MYT1L: variants seen among roughly 807,000 people sequenced by gnomAD.
MYT1L encodes the protein myelin transcription factor 1-like protein.
A neutral mutation model predicts 126.7 loss-of-function variants in MYT1L; 12 were observed. That is an observed-to-expected ratio of 0.09 (90% CI 0.06 to 0.15). MYT1L has a LOEUF of 0.15. Among genes scored for constraint, MYT1L ranks in the 10% least tolerant of loss-of-function variants. MYT1L has a pLI of 1.00. For synonymous variants in MYT1L, 541 were observed against 604.2 expected, an observed-to-expected ratio of 0.90 and a Z score of 1.53; for missense variants, 979 against 1,585.2, an observed-to-expected ratio of 0.62 and a Z score of 6.49.
At chr2:2,215,740 G>T (rs2093656677) in intron 2 of MYT1L, among the ~76,000 whole-genome samples, 1 of 152,146 alleles carries the variant, frequency 6.6e-6, no homozygotes, top group Non-Finnish European at 1.5e-5. Flanking sequence ...TTATTTTCAA[G>T]TCCACAGTGA....
intron 5 of MYT1L, among the ~76,000 whole-genome samples, chr2:1,981,328 C>T (rs2060593402): frequency 6.6e-6 from 1 of 151,844 alleles, no homozygotes; most frequent in Admixed American, 6.6e-5. Flanking sequence ...GATTTAATAC[C>T]AAAACAAAAA....
chr2:2,240,736 G>A (rs2094423019), intron 2 of MYT1L, among the ~76,000 whole-genome samples: 1 of 152,196 alleles, frequency 6.6e-6, no homozygotes, highest in African/African-American at 2.4e-5. Flanking sequence ...TTCACACAGA[G>A]GCAGCCCTGA....
intron 2 of MYT1L, among the ~76,000 whole-genome samples, chr2:2,199,399 A>T (rs1357796885): frequency 6.6e-6 from 1 of 152,214 alleles, no homozygotes; most frequent in African/African-American, 2.4e-5. Flanking sequence ...CCCTGCCATA[A>T]GGGATGGTGT....
At position 2,269,434 on chromosome 2, in the gene MYT1L, A is replaced by G. The variant is rs140443206; in HGVS notation, c.-421+14970T>C. On this transcript the variant is annotated intron_variant, in intron 2 of 24. Coordinates refer to ENST00000647738, the MANE Select transcript of MYT1L (RefSeq NM_001303052.2). ...CTTACAAAATGGGGGCACACTTGCCATCTCATGAAGGTTGTGAAGGTTACA... is the reference window on the plus strand; with the variant it reads ...CTTACAAAATGGGGGCACACTTGCCGTCTCATGAAGGTTGTGAAGGTTACA... Among the ~76,000 whole-genome samples the G allele has an allele frequency of 2.5e-3, 386 of 152,316 alleles. 1 individual carries two copies. Among genetic ancestry groups the G allele is most frequent in the African/African-American group, 9.0e-3 (373 of 41,576 alleles).
intron 3 of MYT1L, among the ~76,000 whole-genome samples, chr2:2,095,168 C>A: frequency 6.6e-6 from 1 of 152,304 alleles, no homozygotes; most frequent in African/African-American, 2.4e-5. Context: ...AGGGGGTGCC[C>A]CCAAGTTGTG....
In MYT1L at chr2:2,150,702, C is replaced by T. The variant is rs116552904; in HGVS notation, c.-304+22170G>A. 3.4e-3 allele frequency among the ~76,000 whole-genome samples: 525 copies of T among 152,232 alleles called. 5 individuals carry two copies. Among genetic ancestry groups the T allele is most frequent in the African/African-American group, 0.012 (508 of 41,532 alleles). On this transcript the variant is annotated intron_variant, in intron 3 of 24. Transcript: ENST00000647738. Reference sequence around the variant, plus strand: ...CTACCTTATCATCCTGATGGCTCAACGCTTTAGGTCCTATTTTTCTACAAA... The same window carrying T: ...CTACCTTATCATCCTGATGGCTCAATGCTTTAGGTCCTATTTTTCTACAAA...
intron 9 of MYT1L, among the ~76,000 whole-genome samples, chr2:1,928,914 G>C (rs551317061): frequency 6.6e-6 from 1 of 152,136 alleles, no homozygotes; most frequent in South Asian, 2.1e-4. Context: ...TGGGAAGCCT[G>C]AGGGATCTGC....
intron 8 of MYT1L, among the ~76,000 whole-genome samples, chr2:1,975,528 A>C (rs1293511468): frequency 6.6e-6 from 1 of 152,198 alleles, no homozygotes; most frequent in Non-Finnish European, 1.5e-5. Flanking sequence ...TAGGAGTTCG[A>C]GACCATCCTG....
intron 8 of MYT1L, among the ~76,000 whole-genome samples, chr2:1,967,733 T>G (rs2059481030): frequency 6.7e-6 from 1 of 150,112 alleles, no homozygotes; most frequent in African/African-American, 2.5e-5. Flanking sequence ...GGGGGGAGGG[T>G]GTGGCCAAAG....
At chr2:1,947,325 A>T (rs990600223) in intron 8 of MYT1L, among the ~76,000 whole-genome samples, 2 of 152,108 alleles carry the variant, frequency 1.3e-5, no homozygotes, top group Non-Finnish European at 2.9e-5. Flanking sequence ...GGTTTAGAGG[A>T]GGGGAGTGGA....
chr2:2,143,503 T>C (rs948730703), intron 3 of MYT1L, among the ~76,000 whole-genome samples: 1 of 152,062 alleles, frequency 6.6e-6, no homozygotes, highest in South Asian at 2.1e-4. Flanking sequence ...TCTTAGACTC[T>C]CAAGTCCTCT....
intron 8 of MYT1L, among the ~76,000 whole-genome samples, chr2:1,962,663 T>C (rs1161823728): frequency 2.6e-5 from 4 of 152,260 alleles, no homozygotes; most frequent in Non-Finnish European, 5.9e-5. Flanking sequence ...TCTCAAATCC[T>C]GCCACTGCTT....
At chr2:1,823,947 T>C (rs1417512920) in intron 21 of MYT1L, among the ~76,000 whole-genome samples, 1 of 152,256 alleles carries the variant, frequency 6.6e-6, no homozygotes, top group African/African-American at 2.4e-5. Flanking sequence ...TGGCACAGTG[T>C]TGGCCTGGGC....
chr2:2,159,503 TC>T (rs1040183140), intron 3 of MYT1L, among the ~76,000 whole-genome samples: 2 of 151,302 alleles, frequency 1.3e-5, no homozygotes, highest in Non-Finnish European at 3.0e-5. Context: ...TCCTGCCCCA[TC>T]CCCAGACGCT....
chr2:2,193,803 C>T (rs1366617577), intron 2 of MYT1L, among the ~76,000 whole-genome samples: 2 of 151,988 alleles, frequency 1.3e-5, no homozygotes, highest in Non-Finnish European at 2.9e-5. Context: ...TTATGAGGGA[C>T]GTTTTAGACA....
chr2:2,228,330 C>A lies in MYT1L; in HGVS notation c.-420-55342G>T, dbSNP rs934672959. Among the ~76,000 whole-genome samples, 1 of 152,140 alleles carries A rather than the reference C, an allele frequency of 6.6e-6. No individual in the cohort carries two copies. Among genetic ancestry groups the A allele is most frequent in the East Asian group, 1.9e-4 (1 of 5,200 alleles). ...TGGCAAAGGTGATAATATTAAAAAC[C>A]TGTGCAACAGGATTATAATAATAAT... On this transcript the variant is annotated intron_variant, in intron 2 of 24. Transcript: ENST00000647738. The surrounding 1 kb of genome is among the most constrained non-coding windows in gnomAD (Gnocchi z 5.9).
intron 4 of MYT1L, among the ~76,000 whole-genome samples, chr2:2,031,337 G>T (rs2149917429): frequency 6.6e-6 from 1 of 152,338 alleles, no homozygotes; most frequent in Non-Finnish European, 1.5e-5. Context: ...GTTTTCCCAT[G>T]GTCAAACAGC....
intron 5 of MYT1L, among the ~76,000 whole-genome samples, chr2:1,982,357 T>A (rs1261672081): frequency 6.6e-6 from 1 of 152,190 alleles, no homozygotes; most frequent in East Asian, 1.9e-4. Context: ...AAAATCGTAT[T>A]CTTTAAGGAA....
At chr2:1,862,793 G>C (rs747486529) in intron 18 of MYT1L, among the ~76,000 whole-genome samples, 1 of 152,176 alleles carries the variant, frequency 6.6e-6, no homozygotes, top group African/African-American at 2.4e-5. Flanking sequence ...TCTGGCTCTG[G>C]AATCAGTGAC....
Sources: gnomAD v4.1 joint callset for allele counts (sites outside exome capture counted in the v4.1 genomes callset) on GRCh38, gnomAD v4.1.1 for gene constraint, Gnocchi (gnomAD v3.1) non-coding constraint, MANE v1.5 for transcripts, NCBI Gene and HGNC (gene_info 2026-07-23, HGNC 2026-07-21) for gene names.